Variants in RBFOX2 observed in about 807,000 individuals in gnomAD.
The protein encoded by RBFOX2 is RNA binding fox-1 homolog 2.
A neutral mutation model predicts 49.1 loss-of-function variants in RBFOX2; 10 were observed. That is an observed-to-expected ratio of 0.20 (90% CI 0.13 to 0.35). The LOEUF is 0.35. Ranked by LOEUF, RBFOX2 falls within the 10% of genes least tolerant of loss-of-function variation. RBFOX2 has a pLI of 1.00. For synonymous variants in RBFOX2, 183 were observed against 187.4 expected, an observed-to-expected ratio of 0.98 and a Z score of 0.19; for missense variants, 323 against 486.9, an observed-to-expected ratio of 0.66 and a Z score of 3.17.
At chr22:35,738,844 A>G (rs1928321294) in exon 12 of RBFOX2, 1 of 152,644 alleles carries the variant, frequency 6.6e-6, no homozygotes, top group Admixed American at 6.5e-5. Context: ...CATGATCAAT[A>G]ATTTATACAC....
At chr22:35,991,995 CTAT>C (rs2058002962) in intron 1 of RBFOX2, among the ~76,000 whole-genome samples, 1 of 152,110 alleles carries the variant, frequency 6.6e-6, no homozygotes, top group African/African-American at 2.4e-5. Context: ...GAGGTAGAAA[CTAT>C]TATTAACATT....
intron 9 of RBFOX2, 128 bp from the exon 11 acceptor site, chr22:35,756,272 G>C (rs917062615): frequency 1.4e-6 from 1 of 706,240 alleles, no homozygotes; most frequent in African/African-American, 1.9e-5. Context: ...CATAACCTGG[G>C]CTTGGGGCCT....
At chr22:35,876,701 A>ACAC (rs2045141219) in intron 1 of RBFOX2, among the ~76,000 whole-genome samples, 1 of 140,458 alleles carries the variant, frequency 7.1e-6, no homozygotes, top group Non-Finnish European at 1.6e-5. Flanking sequence ...CATTAAAAGA[A>ACAC]ACACACACAC....
chr22:35,934,335 T>TA (rs1271382613), intron 1 of RBFOX2, among the ~76,000 whole-genome samples: 1 of 152,068 alleles, frequency 6.6e-6, no homozygotes, highest in Non-Finnish European at 1.5e-5. Context: ...TATATTAAAA[T>TA]AAAAGTTTAA....
intron 2 of RBFOX2, among the ~76,000 whole-genome samples, chr22:35,787,275 C>T (rs959695762): frequency 1.3e-5 from 2 of 151,924 alleles, no homozygotes; most frequent in African/African-American, 2.4e-5. Flanking sequence ...TGAGCTCAAG[C>T]GATCTGCCTG....
intron 1 of RBFOX2, among the ~76,000 whole-genome samples, chr22:35,960,098 G>A (rs1223085696): frequency 6.6e-6 from 1 of 152,140 alleles, no homozygotes. Context: ...TACGCCAACT[G>A]TACAGAACAG....
At chr22:35,995,758 A>C (rs563296126) in intron 1 of RBFOX2, 1 of 154,114 alleles carries the variant, frequency 6.5e-6, no homozygotes, top group East Asian at 1.9e-4. Flanking sequence ...AAGGCTTTGG[A>C]ACTGTGAGTC....
rs1934265644 is a variant in RBFOX2, at chr22:35,749,910, G to A, written c.888-3349C>T. On this transcript the variant is annotated intron_variant, in intron 9 of 11. Transcript: ENST00000405409. The surrounding 1 kb of genome is among the most constrained non-coding windows in gnomAD (Gnocchi z 4.1). The stretch of plus-strand genomic sequence containing the variant: ...GCTAAACAACCAGCAAAATCACCAC[G>A]TTCAGACTCGTATTGGCTAACTCTA... Among the ~76,000 whole-genome samples the A allele has an allele frequency of 2.0e-5, 3 of 152,104 alleles. No individual in the cohort carries two copies. The South Asian group carries it at 6.2e-4, about 32-fold the overall frequency.
chr22:35,955,224 C>A (rs1413546433), intron 1 of RBFOX2, among the ~76,000 whole-genome samples: 1 of 152,110 alleles, frequency 6.6e-6, no homozygotes, highest in African/African-American at 2.4e-5. Flanking sequence ...TTTCAGAATA[C>A]CTTAACACTT....
intron 1 of RBFOX2, chr22:35,993,040 C>T (rs2058046459): frequency 6.6e-6 from 1 of 152,186 alleles, no homozygotes; most frequent in Admixed American, 6.5e-5. Context: ...CTGGTTTTAA[C>T]ATATTTACCA....
intron 1 of RBFOX2, among the ~76,000 whole-genome samples, chr22:35,955,224 C>T (rs1413546433): frequency 3.9e-5 from 6 of 152,110 alleles, no homozygotes; most frequent in African/African-American, 1.4e-4. Context: ...TTTCAGAATA[C>T]CTTAACACTT....
chr22:35,849,064 T>C (rs1019010861), intron 1 of RBFOX2, among the ~76,000 whole-genome samples: 1 of 152,178 alleles, frequency 6.6e-6, no homozygotes, highest in African/African-American at 2.4e-5. Context: ...ATGTTACTAA[T>C]GTCATCACAA....
intron 2 of RBFOX2, among the ~76,000 whole-genome samples, chr22:35,792,948 G>C (rs1948065155): frequency 6.6e-6 from 1 of 152,162 alleles, no homozygotes; most frequent in Admixed American, 6.6e-5. Context: ...AATTTTCTTG[G>C]AGACAGGGTC....
chr22:35,953,690 A>T (rs758309228), intron 1 of RBFOX2, among the ~76,000 whole-genome samples: 22 of 152,170 alleles, frequency 1.4e-4, no homozygotes, highest in Non-Finnish European at 2.5e-4. Context: ...CATTTTTTTT[A>T]AAAGCAATGC....
intron 1 of RBFOX2, among the ~76,000 whole-genome samples, chr22:36,019,116 C>T (rs902684471): frequency 7.9e-5 from 12 of 152,192 alleles, no homozygotes; most frequent in African/African-American, 2.9e-4. Context: ...CTGTTCCTGC[C>T]TTCCATGTAC....
At chr22:35,938,690 T>C (rs538084275) in intron 1 of RBFOX2, among the ~76,000 whole-genome samples, 157 bp downstream of exon 2, 1 of 152,224 alleles carries the variant, frequency 6.6e-6, no homozygotes, top group Non-Finnish European at 1.5e-5. Flanking sequence ...TTTAAAAATA[T>C]GCTTAATTTA....
At chr22:35,977,381 T>C (rs1284276640) in intron 1 of RBFOX2, among the ~76,000 whole-genome samples, 2 of 152,212 alleles carry the variant, frequency 1.3e-5, no homozygotes, top group East Asian at 3.9e-4. Flanking sequence ...AAAAAAGGAA[T>C]GCATTACTAA....
chr22:35,883,469 A>G (rs904760260), intron 1 of RBFOX2, among the ~76,000 whole-genome samples: 9 of 152,204 alleles, frequency 5.9e-5, no homozygotes, highest in African/African-American at 1.7e-4. Context: ...GCAGGCTTTA[A>G]AGGCACAGTC....
intron 1 of RBFOX2, among the ~76,000 whole-genome samples, chr22:35,836,675 A>G (rs1957737126): frequency 6.6e-6 from 1 of 152,252 alleles, no homozygotes; most frequent in Non-Finnish European, 1.5e-5. Flanking sequence ...TTTGTGTTCC[A>G]CAGAAACTGG....
Sources: gnomAD v4.1 joint callset for allele counts (sites outside exome capture counted in the v4.1 genomes callset) on GRCh38, gnomAD v4.1.1 for gene constraint, Gnocchi (gnomAD v3.1) non-coding constraint, MANE v1.5 for transcripts, NCBI Gene and HGNC (gene_info 2026-07-23, HGNC 2026-07-21) for gene names.